The following ATAD2 variants were observed in gnomAD, a reference collection of about 807,000 sequenced individuals.
ATAD2 encodes ATPase family AAA domain containing 2, also known as ATPase family AAA domain-containing protein 2.
Under a neutral mutation model 168.9 loss-of-function variants are expected in ATAD2, and 62 were observed. That is an observed-to-expected ratio of 0.37 (90% CI 0.30 to 0.45). The LOEUF (loss-of-function observed/expected upper bound fraction) is 0.45. Ranked by LOEUF, ATAD2 falls within the 20% of genes least tolerant of loss-of-function variation. The probability of loss-of-function intolerance (pLI) is 1.00; values close to 1 mark genes in which losing one functional copy is unlikely to be tolerated. For synonymous variants in ATAD2, 613 were observed against 571.6 expected, an observed-to-expected ratio of 1.07 and a Z score of -1.03; for missense variants, 1,419 against 1,667.8, an observed-to-expected ratio of 0.85 and a Z score of 2.60.
chr8:123,356,525 C>T, intron 12 of ATAD2, 48 bp from the exon 13 acceptor site: 1 of 1,323,842 alleles, frequency 7.6e-7, no homozygotes, highest in Non-Finnish European at 1.1e-6. Flanking sequence ...CAGCCTCAAA[C>T]ACGTAGACTT....
At chr8:123,334,577 GA>G (rs1180245486) in intron 22 of ATAD2, among the ~76,000 whole-genome samples, 14 of 139,572 alleles carry the variant, frequency 1.0e-4, no homozygotes, top group Admixed American at 5.0e-4. Flanking sequence ...TGAAATATCA[GA>G]AAAAAAAAAG....
In ATAD2 at chr8:123,346,151, A is replaced by G; in HGVS notation, c.2467T>C (p.Tyr823His). ...AAAAGAACAGGAATGTCTAATGTAT[A>G]TACAGTAAACTTTTCCAAAGCATGA... is the stretch of plus-strand genomic sequence containing the variant. ...VIHALEKFTV[Y>H]TLDIPVLFGV... The change falls in exon 18 of 28, where the codon TAT becomes CAT. Residue 823 changes from tyrosine to histidine, a missense_variant. By Grantham distance (83) the Tyr-to-His change is moderately conservative. Transcript: ENST00000287394. The G allele has an allele frequency of 6.2e-7, 1 of 1,612,906 alleles. No individual in the cohort carries two copies. Among genetic ancestry groups the G allele is most frequent in the Non-Finnish European group, 8.5e-7 (1 of 1,179,530 alleles).
chr8:123,345,131 T>A, intron 18 of ATAD2, 62 bp from the exon 19 acceptor site: 1 of 1,454,492 alleles, frequency 6.9e-7, no homozygotes, highest in Non-Finnish European at 9.3e-7. Flanking sequence ...GCTAGTTCTA[T>A]TAGTCTGAAA....
intron 3 of ATAD2, among the ~76,000 whole-genome samples, 153 bp downstream of exon 3, chr8:123,372,484 T>C (rs998238281): frequency 6.6e-6 from 1 of 152,146 alleles, no homozygotes; most frequent in Non-Finnish European, 1.5e-5. Flanking sequence ...CACTATCTTA[T>C]TGTGGTGATG....
At chr8:123,390,881 C>T (rs187981544) in intron 1 of ATAD2, among the ~76,000 whole-genome samples, 9 of 152,134 alleles carry the variant, frequency 5.9e-5, no homozygotes, top group East Asian at 3.9e-4. Flanking sequence ...TGGTGGCAGG[C>T]GCCTGTAATT....
At chr8:123,335,865 C>T (rs1051590427) in intron 22 of ATAD2, among the ~76,000 whole-genome samples, 2 of 152,008 alleles carry the variant, frequency 1.3e-5, no homozygotes, top group Admixed American at 6.6e-5. Context: ...AGAAAAAGGT[C>T]TGAAAAGATA....
intron 1 of ATAD2, chr8:123,401,733 T>G (rs77913464): frequency 0.01 from 7,768 of 748,002 alleles, 77 homozygotes; most frequent in Middle Eastern, 0.014. Context: ...ATGGGCTCCC[T>G]GCTGGCTGCC....
chr8:123,383,633 C>T (rs545764987), intron 1 of ATAD2, among the ~76,000 whole-genome samples: 4 of 152,022 alleles, frequency 2.6e-5, no homozygotes, highest in Non-Finnish European at 5.9e-5. Context: ...ATCAGCCGGG[C>T]GAGGTGGCGC....
intron 25 of ATAD2, among the ~76,000 whole-genome samples, chr8:123,327,764 C>T (rs1049484158): frequency 6.6e-6 from 1 of 152,038 alleles, no homozygotes; most frequent in African/African-American, 2.4e-5. Context: ...GAAAAATGAT[C>T]GGGGTAAGAG....
chr8:123,362,585 T>A (rs929623062), intron 8 of ATAD2, among the ~76,000 whole-genome samples: 1 of 149,326 alleles, frequency 6.7e-6, no homozygotes, highest in Non-Finnish European at 1.5e-5. Flanking sequence ...CCAGTTAACT[T>A]TTTTTTTTTT....
At chr8:123,389,434 T>C (rs1448028777) in intron 1 of ATAD2, among the ~76,000 whole-genome samples, 4 of 148,450 alleles carry the variant, frequency 2.7e-5, no homozygotes, top group African/African-American at 7.5e-5. Context: ...AGTCGGGAGA[T>C]TGAGACCATC....
rs1828845479 is a variant in ATAD2, at chr8:123,362,162, G to A, written c.1050-516C>T. 2.0e-5 allele frequency among the ~76,000 whole-genome samples: 3 copies of A among 152,076 alleles called. No homozygotes were observed. The South Asian group carries it at 6.2e-4, about 32-fold the overall frequency. On this transcript the variant is annotated intron_variant, in intron 8 of 27. Transcript: ENST00000287394. ...AAAAGCTTAGACAGGTATGGTTGTA[G>A]CACATCTGTTGTCCCAGATACTCAG... is the stretch of plus-strand genomic sequence containing the variant.
At chr8:123,345,610 A>G (rs1828214447) in intron 18 of ATAD2, among the ~76,000 whole-genome samples, 1 of 152,148 alleles carries the variant, frequency 6.6e-6, no homozygotes, top group Non-Finnish European at 1.5e-5. Context: ...TGAACCCGGA[A>G]GGCGGAGGTT....
chr8:123,367,105 C>A (rs1051055962), intron 8 of ATAD2, among the ~76,000 whole-genome samples: 7 of 152,184 alleles, frequency 4.6e-5, no homozygotes, highest in Non-Finnish European at 1.0e-4. Context: ...AAACACTGGA[C>A]CAGCACTTTG....
At chr8:123,354,867 AT>A (rs1563847026) in intron 13 of ATAD2, among the ~76,000 whole-genome samples, 2,173 of 65,756 alleles carry the variant, frequency 0.033, 159 homozygotes, top group Non-Finnish European at 0.044. Flanking sequence ...AAAAAAAAAT[AT>A]ATATATATAT....
rs1052510600 is a variant in ATAD2, at chr8:123,402,275, G to C, written c.-2281-1100C>G. On this transcript the variant is annotated intron_variant, in intron 1 of 28. Transcript: ENST00000521903. The surrounding 1 kb of genome is among the most constrained non-coding windows in gnomAD (Gnocchi z 4.8). ...TGAGGGGTCTGTGACCCCTCGCTGG[G>C]CATCCCCTGCAGAGTCAGGACTGCT... Among the ~76,000 whole-genome samples the C allele has an allele frequency of 6.6e-6, 1 of 152,068 alleles. No individual in the cohort carries two copies. Among genetic ancestry groups the C allele is most frequent in the Non-Finnish European group, 1.5e-5 (1 of 67,956 alleles).
intron 1 of ATAD2, among the ~76,000 whole-genome samples, chr8:123,414,092 CAAAAAAAAA>C (rs57662854): frequency 4.9e-5 from 2 of 40,590 alleles, no homozygotes; most frequent in African/African-American, 1.1e-4. Context: ...ACTCTTATCT[CAAAAAAAAA>C]AAAAAAAAAA....
intron 13 of ATAD2, among the ~76,000 whole-genome samples, chr8:123,352,896 C>G (rs1828517362): frequency 1.3e-5 from 2 of 151,060 alleles, no homozygotes. Flanking sequence ...TTCATCTTTA[C>G]TAAAAAACAA....
At chr8:123,401,715 T>G in intron 1 of ATAD2, 1 of 748,530 alleles carries the variant, frequency 1.3e-6, no homozygotes. Context: ...GGTGCCTCCA[T>G]AGTGATGATG....
Sources: allele counts gnomAD v4.1 joint callset (sites outside exome capture counted in the v4.1 genomes callset), GRCh38; gene constraint gnomAD v4.1.1; non-coding constraint Gnocchi (gnomAD v3.1); transcripts MANE v1.5; gene names NCBI Gene and HGNC (gene_info 2026-07-23, HGNC 2026-07-21).